The following EYS variants were observed in gnomAD, a reference collection of about 807,000 sequenced individuals.
EYS encodes the protein EGF-like photoreceptor maintenance factor.
EYS carries 250 observed loss-of-function variants against 282.1 expected under a neutral mutation model. That is an observed-to-expected ratio of 0.89 (90% confidence interval 0.80 to 0.98). The LOEUF (loss-of-function observed/expected upper bound fraction) is 0.98. EYS is among the 50% of genes least tolerant of loss of function. EYS has a pLI of 0.00. For missense variants in EYS, 4,016 were observed against 3,709.0 expected (o/e 1.08, Z -2.15); for synonymous variants, 1,355 against 1,282.9 (o/e 1.06, Z -1.20).
intron 16 of EYS, 114 bp downstream of exon 16, chr6:64,912,370 T>G: frequency 1.2e-6 from 1 of 836,010 alleles, no homozygotes; most frequent in Non-Finnish European, 1.9e-6. Context: ...CTACCCACAA[T>G]GTACATAGGA....
intron 2 of EYS, among the ~76,000 whole-genome samples, chr6:65,606,952 G>A (rs1026988324): frequency 2.0e-5 from 3 of 151,456 alleles, no homozygotes; most frequent in African/African-American, 7.3e-5. Flanking sequence ...GGGATATAAT[G>A]TCTTAAGCAG....
chr6:65,704,790 C>T (rs750049389), intron 1 of EYS, among the ~76,000 whole-genome samples: 8 of 152,106 alleles, frequency 5.3e-5, no homozygotes, highest in Non-Finnish European at 1.2e-4. Flanking sequence ...TGCACCAAAC[C>T]TTACACAGCA....
intron 4 of EYS, chr6:65,491,270 T>TACACACAC (rs57650145): frequency 0.017 from 2,934 of 170,082 alleles, 61 homozygotes; most frequent in Admixed American, 0.066. Flanking sequence ...ATCAGTTATA[T>TACACACAC]ACACACACAC....
intron 12 of EYS, among the ~76,000 whole-genome samples, chr6:65,277,530 C>T (rs557256012): frequency 1.5e-4 from 23 of 152,010 alleles, no homozygotes; most frequent in African/African-American, 4.3e-4. Context: ...GTCTGCATTC[C>T]GGGAAAGAAC....
At chr6:65,296,595 T>C (rs1202478402) in intron 11 of EYS, among the ~76,000 whole-genome samples, 4 of 151,832 alleles carry the variant, frequency 2.6e-5, no homozygotes, top group African/African-American at 9.7e-5. Flanking sequence ...ATTTAAGATG[T>C]AGCTGTAAGG....
chr6:64,482,678 CTTA>C lies in EYS; in HGVS notation c.5645-43329_5645-43327del, dbSNP rs201787644. The stretch of plus-strand genomic sequence containing the variant: ...TGGTTGTTGATATTGTTATCATTGT[CTTA>C]TTATTGATATGACAACACAGAAATT... On this transcript the variant is annotated intron_variant, in intron 26 of 42. Transcript: ENST00000503581. Among the ~76,000 whole-genome samples the C allele has an allele frequency of 4.5e-3, 682 of 151,754 alleles. 5 individuals are homozygous for C. Among genetic ancestry groups the C allele is most frequent in the African/African-American group, 0.015 (641 of 41,468 alleles).
intron 36 of EYS, among the ~76,000 whole-genome samples, chr6:63,846,275 G>A (rs1458372216): frequency 6.6e-6 from 1 of 152,072 alleles, no homozygotes; most frequent in Non-Finnish European, 1.5e-5. Flanking sequence ...TATTCCTCCG[G>A]GAAGCCCCCT....
intron 26 of EYS, among the ~76,000 whole-genome samples, chr6:64,439,638 G>T (rs182501418): frequency 6.6e-6 from 1 of 151,650 alleles, no homozygotes; most frequent in Non-Finnish European, 1.5e-5. Context: ...TAACAGAAAA[G>T]GGCACATTTT....
At chr6:65,189,591 G>A (rs1219541052) in intron 12 of EYS, among the ~76,000 whole-genome samples, 1 of 151,708 alleles carries the variant, frequency 6.6e-6, no homozygotes, top group Non-Finnish European at 1.5e-5. Flanking sequence ...CTCAGTGATT[G>A]GACCTTTTCT....
At chr6:64,178,058 T>A (rs1582387644) in intron 31 of EYS, among the ~76,000 whole-genome samples, 1 of 152,230 alleles carries the variant, frequency 6.6e-6, no homozygotes, top group East Asian at 1.9e-4. Context: ...TTCCCTAGGT[T>A]TGTTTTTTTC....
chr6:63,945,241 C>T (rs1765361381), intron 35 of EYS, among the ~76,000 whole-genome samples: 1 of 152,132 alleles, frequency 6.6e-6, no homozygotes, highest in South Asian at 2.1e-4. Flanking sequence ...TCCTTCTCCA[C>T]ATGGCGGCAG....
chr6:64,374,886 T>G (rs1051384804), intron 29 of EYS, among the ~76,000 whole-genome samples: 1 of 152,188 alleles, frequency 6.6e-6, no homozygotes, highest in Non-Finnish European at 1.5e-5. Flanking sequence ...GTCTTCTTTT[T>G]CAACTGTCTT....
chr6:64,078,899 T>A (rs1485078452), intron 32 of EYS, among the ~76,000 whole-genome samples: 1 of 152,080 alleles, frequency 6.6e-6, no homozygotes, highest in Non-Finnish European at 1.5e-5. Context: ...ATCCAAGTGT[T>A]GGTATGGACA....
intron 2 of EYS, among the ~76,000 whole-genome samples, chr6:65,628,500 G>A (rs1460729836): frequency 6.6e-6 from 1 of 152,062 alleles, no homozygotes; most frequent in East Asian, 1.9e-4. Flanking sequence ...TTGTTCTTTC[G>A]CTCTTTGCAA....
At chr6:63,786,204 CAAAAAAAAAAA>C (rs1198772619) in intron 39 of EYS, 2 of 41,446 alleles carry the variant, frequency 4.8e-5, no homozygotes, top group Non-Finnish European at 1.1e-4. Flanking sequence ...CAGCGAGACT[CAAAAAAAAAAA>C]AAAAAAAAGG....
intron 35 of EYS, among the ~76,000 whole-genome samples, chr6:63,944,464 T>A (rs1765333537): frequency 6.6e-6 from 1 of 152,176 alleles, no homozygotes; most frequent in South Asian, 2.1e-4. Flanking sequence ...ATTTAAAAAA[T>A]TGACAGATAA....
In EYS at chr6:65,533,873, C is replaced by T. The variant is rs548374719; in HGVS notation, c.-332-37880G>A. On this transcript the variant is annotated intron_variant, in intron 2 of 42. Transcript: ENST00000503581. ...GCCTGAATAGACTAAGACACTCACT[C>T]TGGCAGAAGTTATTGATGATATTGC... is the stretch of plus-strand genomic sequence containing the variant. Among the ~76,000 whole-genome samples, 11 of 152,224 alleles carry T rather than the reference C, an allele frequency of 7.2e-5. No homozygotes were observed. In the South Asian group the frequency reaches 2.1e-3, roughly 29 times the overall value.
intron 14 of EYS, among the ~76,000 whole-genome samples, chr6:64,982,783 CA>C (rs1007306939): frequency 6.6e-6 from 1 of 151,060 alleles, no homozygotes; most frequent in African/African-American, 2.4e-5. Flanking sequence ...ATAATTTAAA[CA>C]AAAACTGATT....
At chr6:64,105,848 A>G (rs1772991525) in intron 31 of EYS, among the ~76,000 whole-genome samples, 2 of 152,108 alleles carry the variant, frequency 1.3e-5, no homozygotes, top group South Asian at 4.1e-4. Flanking sequence ...AGTCTGCTTT[A>G]TCTGCAATGA....
Sources: gnomAD v4.1 joint callset for allele counts (sites outside exome capture counted in the v4.1 genomes callset) on GRCh38, gnomAD v4.1.1 for gene constraint, MANE v1.5 for transcripts, NCBI Gene and HGNC (gene_info 2026-07-23, HGNC 2026-07-21) for gene names.